EVA1A: variants seen among roughly 807,000 people sequenced by gnomAD.
EVA1A encodes the protein eva-1 homolog A, regulator of programmed cell death.
A neutral mutation model predicts 9.8 loss-of-function variants in EVA1A; 7 were observed. The observed-to-expected ratio is 0.71, with a 90% CI of 0.41 to 1.34. EVA1A has a LOEUF of 1.34. EVA1A is among the 40% of genes most tolerant of loss of function. The pLI, the probability that EVA1A is intolerant of heterozygous loss-of-function variation, is 0.01. For missense variants in EVA1A, 206 were observed against 205.9 expected, an observed-to-expected ratio of 1.00 and a Z score of 0.00; for synonymous variants, 90 against 85.6, an observed-to-expected ratio of 1.05 and a Z score of -0.28.
chr2:75,523,563 T>C (rs933520756), intron 1 of EVA1A, among the ~76,000 whole-genome samples: 2 of 152,206 alleles, frequency 1.3e-5, no homozygotes, highest in African/African-American at 2.4e-5. Flanking sequence ...CTGGGGATGA[T>C]ACATCTAACA....
chr2:75,515,870 C>A (rs1022349685), intron 3 of EVA1A, among the ~76,000 whole-genome samples: 2 of 152,172 alleles, frequency 1.3e-5, no homozygotes, highest in Non-Finnish European at 2.9e-5. Context: ...ACCTTAGACA[C>A]CCCCCTAACA....
chr2:75,499,723 T>A (rs62150187), intron 3 of EVA1A, among the ~76,000 whole-genome samples: 7,853 of 152,156 alleles, frequency 0.052, 305 homozygotes, highest in Non-Finnish European at 0.074. Flanking sequence ...AGGAATAAGG[T>A]CATTCTACTC....
At chr2:75,518,641 CA>C (rs1343874714) in intron 2 of EVA1A, 1 of 988,030 alleles carries the variant, frequency 1.0e-6, no homozygotes, top group Non-Finnish European at 1.2e-6. Flanking sequence ...TCCCCCTTAC[CA>C]CTTCTGGAAC....
intron 3 of EVA1A, among the ~76,000 whole-genome samples, chr2:75,509,042 C>T (rs559185474): frequency 6.0e-4 from 92 of 152,178 alleles, no homozygotes; most frequent in African/African-American, 2.0e-3. Context: ...GAGCCTGTGT[C>T]GTGTCTTGTG....
chr2:75,492,701 T>TGCCA lies in EVA1A; in HGVS notation c.*531_*534dup. 6.5e-6 allele frequency: 1 copy of TGCCA among 153,196 alleles called. No individual in the cohort carries two copies. Among genetic ancestry groups the TGCCA allele is most frequent in the East Asian group, 1.9e-4 (1 of 5,178 alleles). The allele number at this position is 153,196 out of a possible 1,614,324, so 9.5% of individuals were successfully genotyped here. A position where few individuals can be genotyped will look rare whatever the true frequency, so the allele number is the denominator to read the frequency against. On this transcript the variant is annotated 3_prime_UTR_variant, in exon 4 of 4. Transcript: ENST00000393913. The stretch of plus-strand genomic sequence containing the variant: ...AAAAGTAGGATTTTAATCCCTGAGG[T>TGCCA]GCCAGTTAAAATGGACGAGGTTGCC...
At chr2:75,501,471 C>T (rs1400511670) in intron 3 of EVA1A, among the ~76,000 whole-genome samples, 1 of 152,026 alleles carries the variant, frequency 6.6e-6, no homozygotes, top group Non-Finnish European at 1.5e-5. Context: ...TAAAGTAATC[C>T]TTCACACACT....
chr2:75,523,835 C>T (rs769524924), intron 1 of EVA1A, among the ~76,000 whole-genome samples: 2 of 152,188 alleles, frequency 1.3e-5, no homozygotes, highest in Non-Finnish European at 2.9e-5. Context: ...TGAGAAATCT[C>T]ACTCTCCAAT....
chr2:75,548,640 G>A (rs966772825), intron 1 of EVA1A, among the ~76,000 whole-genome samples: 5 of 152,088 alleles, frequency 3.3e-5, no homozygotes, highest in African/African-American at 1.2e-4. Flanking sequence ...CTTCCTTAGA[G>A]TTCCCTTAGC....
chr2:75,531,949 C>G lies in EVA1A; in HGVS notation c.-191-9462G>C, dbSNP rs142222000. ...CCAAGGCGGGCAGATCACGAGGTCACAAGATCGCGACCATCCTGGCTAACA... is the reference window on the plus strand; with the variant it reads ...CCAAGGCGGGCAGATCACGAGGTCAGAAGATCGCGACCATCCTGGCTAACA... On this transcript the variant is annotated intron_variant, in intron 1 of 3. Transcript: ENST00000393913. Among the ~76,000 whole-genome samples, 34 of 152,158 alleles carry G rather than the reference C, an allele frequency of 2.2e-4. 1 individual carries two copies. In the East Asian group the frequency reaches 6.4e-3, roughly 29 times the overall value.
At chr2:75,530,066 TA>T (rs1675588185) in intron 1 of EVA1A, among the ~76,000 whole-genome samples, 1 of 152,004 alleles carries the variant, frequency 6.6e-6, no homozygotes, top group South Asian at 2.1e-4. Flanking sequence ...AAACAGGAGA[TA>T]TTACAACCGA....
intron 1 of EVA1A, among the ~76,000 whole-genome samples, chr2:75,553,502 C>T (rs1433027814): frequency 1.3e-5 from 2 of 152,164 alleles, no homozygotes; most frequent in Non-Finnish European, 2.9e-5. Flanking sequence ...GCTCCTTGGG[C>T]ACAAAGAGTA....
At chr2:75,527,487 C>A (rs138994184) in intron 1 of EVA1A, among the ~76,000 whole-genome samples, 1 of 152,182 alleles carries the variant, frequency 6.6e-6, no homozygotes, top group South Asian at 2.1e-4. Flanking sequence ...CCAGTGGTTA[C>A]GAGCCCCACA....
intron 1 of EVA1A, among the ~76,000 whole-genome samples, chr2:75,539,855 A>G (rs1408095041): frequency 6.6e-6 from 1 of 152,210 alleles, no homozygotes; most frequent in Non-Finnish European, 1.5e-5. Context: ...TAGCAATAGT[A>G]GGCAGTGGGT....
chr2:75,562,722 C>G (rs1676951203), upstream of EVA1A, among the ~76,000 whole-genome samples: 1 of 152,252 alleles, frequency 6.6e-6, no homozygotes, highest in Non-Finnish European at 1.5e-5. Context: ...AACTCTCCAG[C>G]TTTCCAGCAG....
intron 1 of EVA1A, among the ~76,000 whole-genome samples, chr2:75,546,869 A>G (rs1355844648): frequency 6.8e-6 from 1 of 147,478 alleles, no homozygotes; most frequent in East Asian, 2.1e-4. Flanking sequence ...CACAGCGAAG[A>G]TGATGTGAAA....
chr2:75,542,916 G>C (rs1301472296), intron 1 of EVA1A, among the ~76,000 whole-genome samples: 2 of 152,196 alleles, frequency 1.3e-5, no homozygotes, highest in East Asian at 1.9e-4. Context: ...GTCATCTGCA[G>C]ACGTATGAAG....
chr2:75,503,136 C>T (rs976107993), intron 3 of EVA1A, among the ~76,000 whole-genome samples: 1 of 152,174 alleles, frequency 6.6e-6, no homozygotes, highest in Non-Finnish European at 1.5e-5. Flanking sequence ...TAAGGGAATT[C>T]ACTGGATCCC....
At chr2:75,517,783 C>A (rs1415182036) in intron 3 of EVA1A, 3 of 718,394 alleles carry the variant, frequency 4.2e-6, no homozygotes, top group Admixed American at 4.0e-5. Context: ...CAGAAGCCAA[C>A]AGTAGCCCTG....
At chr2:75,551,139 A>T (rs1044971589) in intron 1 of EVA1A, among the ~76,000 whole-genome samples, 1 of 151,860 alleles carries the variant, frequency 6.6e-6, no homozygotes, top group Non-Finnish European at 1.5e-5. Flanking sequence ...AACAAAACAA[A>T]ACAAAAAAAA....
Sources: allele counts gnomAD v4.1 joint callset (sites outside exome capture counted in the v4.1 genomes callset), GRCh38; gene constraint gnomAD v4.1.1; transcripts MANE v1.5; gene names NCBI Gene and HGNC (gene_info 2026-07-23, HGNC 2026-07-21).